The following ZSWIM6 variants were observed in gnomAD, a reference collection of about 807,000 sequenced individuals.
ZSWIM6 encodes zinc finger SWIM-type containing 6, also known as zinc finger SWIM domain-containing protein 6.
Under a neutral mutation model 113.2 loss-of-function variants are expected in ZSWIM6, and 9 were observed. That is an observed-to-expected ratio of 0.08 (90% CI 0.05 to 0.14). The LOEUF is 0.14. Among genes scored for constraint, ZSWIM6 ranks in the 10% least tolerant of loss-of-function variants. The pLI is 1.00. For synonymous variants in ZSWIM6, 611 were observed against 606.5 expected (o/e 1.01, Z -0.11); for missense variants, 1,162 against 1,552.2 (o/e 0.75, Z 4.22).
Position 61,467,995 on chromosome 5 carries a change from CCT to C in ZSWIM6, c.677-4685_677-4684del, listed in dbSNP as rs1425104497. On this transcript the variant is annotated intron_variant, in intron 1 of 13. Transcript: ENST00000252744. ...AAAGGGAATGTGTCCACACCCCTCC[CCT>C]GTTTCTCCAGCTGGGAAGGGAAGGA... Among the ~76,000 whole-genome samples the C allele has an allele frequency of 3.9e-5, 6 of 152,280 alleles. No homozygotes were observed. In the East Asian group the frequency reaches 1.2e-3, roughly 29 times the overall value.
chr5:61,454,567 G>GTTTTT (rs35249460), intron 1 of ZSWIM6, among the ~76,000 whole-genome samples: 23 of 128,242 alleles, frequency 1.8e-4, no homozygotes, highest in Non-Finnish European at 1.8e-4. Flanking sequence ...CTATCCCTAA[G>GTTTTT]TTTTTTTTTT....
chr5:61,467,725 T>C (rs146406103), intron 1 of ZSWIM6, among the ~76,000 whole-genome samples: 4 of 152,292 alleles, frequency 2.6e-5, no homozygotes, highest in African/African-American at 9.6e-5. Context: ...CAAAATCAAC[T>C]ATTTGTGAGT....
chr5:61,363,405 T>C (rs1159173702), intron 1 of ZSWIM6, among the ~76,000 whole-genome samples: 1 of 152,238 alleles, frequency 6.6e-6, no homozygotes, highest in Non-Finnish European at 1.5e-5. Flanking sequence ...GTAACAGAAC[T>C]GCCTATAAGA....
chr5:61,356,805 T>C (rs1221387554), intron 1 of ZSWIM6, among the ~76,000 whole-genome samples: 1 of 142,414 alleles, frequency 7.0e-6, no homozygotes, highest in East Asian at 2.0e-4. Flanking sequence ...AATATAAATA[T>C]ATAATTGATA....
rs1747602671 is a variant in ZSWIM6, at chr5:61,472,710, C to T, written c.706C>T (p.Pro236Ser). Residue 236 changes from proline to serine, a missense_variant, in exon 2 of 14, where the codon CCT (proline) becomes TCT (serine). This residue lies in a region of ZSWIM6 where 96 missense variants were observed against 240.3 expected (regional missense o/e 0.40). Transcript: ENST00000252744. This position sits in a 1 kb window ranked among gnomAD's most constrained non-coding sequence, Gnocchi z 4.1. Reference sequence around the variant, plus strand: ...CCACTTGAGCGGCACAGTGACAGAACCTGCAATACAATCGGAGCCAGAAAC... The same window carrying T: ...CCACTTGAGCGGCACAGTGACAGAATCTGCAATACAATCGGAGCCAGAAAC... Reference protein sequence around the residue: ...GFHLSGTVTEPAIQSEPETVC... With the variant: ...GFHLSGTVTESAIQSEPETVC... 1.9e-6 allele frequency: 3 copies of T among 1,542,192 alleles called. No individual in the cohort carries two copies. Among genetic ancestry groups the T allele is most frequent in the African/African-American group, 1.4e-5 (1 of 72,900 alleles).
chr5:61,535,404 T>G, intron 9 of ZSWIM6, 80 bp from the exon 10 acceptor site: 2 of 1,471,160 alleles, frequency 1.4e-6, no homozygotes, highest in Non-Finnish European at 1.9e-6. Context: ...TAACTTTATG[T>G]GACATTTTAA....
intron 1 of ZSWIM6, among the ~76,000 whole-genome samples, chr5:61,388,164 G>A (rs1745628657): frequency 6.6e-6 from 1 of 151,690 alleles, no homozygotes; most frequent in Non-Finnish European, 1.5e-5. Flanking sequence ...TGTATTTTTA[G>A]TAAAGATGGG....
chr5:61,412,072 AACTTT>A, intron 1 of ZSWIM6, among the ~76,000 whole-genome samples: 1 of 152,372 alleles, frequency 6.6e-6, no homozygotes. Context: ...TTAGCCTTGT[AACTTT>A]ACTTCTGGTA....
chr5:61,386,022 T>C (rs1745586175), intron 1 of ZSWIM6, among the ~76,000 whole-genome samples: 1 of 152,196 alleles, frequency 6.6e-6, no homozygotes, highest in African/African-American at 2.4e-5. Context: ...TGCCCAGCAA[T>C]TGGACTATGC....
intron 1 of ZSWIM6, among the ~76,000 whole-genome samples, chr5:61,470,004 G>T (rs751888798): frequency 3.1e-4 from 47 of 152,320 alleles, no homozygotes; most frequent in Non-Finnish European, 5.9e-5. Flanking sequence ...ACCACTCCTG[G>T]CCAATAGTTA....
chr5:61,413,337 A>T (rs1746183840), intron 1 of ZSWIM6, among the ~76,000 whole-genome samples: 1 of 151,888 alleles, frequency 6.6e-6, no homozygotes, highest in South Asian at 2.1e-4. Context: ...CCATGTCCCT[A>T]TAAAGGACAT....
At chr5:61,404,765 G>C (rs977515112) in intron 1 of ZSWIM6, among the ~76,000 whole-genome samples, 1 of 152,120 alleles carries the variant, frequency 6.6e-6, no homozygotes, top group Non-Finnish European at 1.5e-5. Flanking sequence ...CAATCACCTA[G>C]AGAGGGTTGT....
rs35661776 is a variant in ZSWIM6, at chr5:61,420,491, AT to A, written c.677-52178del. 1.5e-3 allele frequency among the ~76,000 whole-genome samples: 222 copies of A among 148,318 alleles called. 1 individual carries two copies. The highest frequency in any genetic ancestry group is 3.9e-3 in the African/African-American group (157 of 40,648). On this transcript the variant is annotated intron_variant, in intron 1 of 13. Transcript: ENST00000252744. ...CTAGTATTTTTTTTACCAGAACACAATTTTTTTTTTTTGATATCACAGTGAA... is the reference window on the plus strand; with the variant it reads ...CTAGTATTTTTTTTACCAGAACACAATTTTTTTTTTTGATATCACAGTGAA...
In ZSWIM6 at chr5:61,468,694, C is replaced by T. The variant is rs114546161; in HGVS notation, c.677-3987C>T. On this transcript the variant is annotated intron_variant, in intron 1 of 13. Transcript: ENST00000252744. ...CAGCAGGGGGATGTTTTACAGCCTTCTTGGGATTATTGAGGGAGGAACAGT... is the reference window on the plus strand; with the variant it reads ...CAGCAGGGGGATGTTTTACAGCCTTTTTGGGATTATTGAGGGAGGAACAGT... 4.3e-3 allele frequency among the ~76,000 whole-genome samples: 652 copies of T among 152,182 alleles called. 4 individuals are homozygous for T. Among genetic ancestry groups the T allele is most frequent in the African/African-American group, 0.014 (574 of 41,504 alleles).
intron 1 of ZSWIM6, among the ~76,000 whole-genome samples, chr5:61,353,840 G>C (rs532782124): frequency 6.6e-6 from 1 of 152,268 alleles, no homozygotes; most frequent in South Asian, 2.1e-4. Context: ...ACATCCTTCA[G>C]AAACAGATGA....
intron 1 of ZSWIM6, among the ~76,000 whole-genome samples, chr5:61,460,774 T>C (rs1363846719): frequency 6.6e-6 from 1 of 152,060 alleles, no homozygotes; most frequent in Admixed American, 6.6e-5. Context: ...TAATATATAA[T>C]AGATAATAAG....
intron 1 of ZSWIM6, among the ~76,000 whole-genome samples, chr5:61,390,491 G>A (rs1745684680): frequency 6.6e-6 from 1 of 152,082 alleles, no homozygotes; most frequent in Non-Finnish European, 1.5e-5. Flanking sequence ...GTTCTCATTT[G>A]CTTGTACTGT....
rs190471237 is a variant in ZSWIM6, at chr5:61,504,390, A to G, written c.1333+9980A>G. Among the ~76,000 whole-genome samples, 2 of 152,210 alleles carry G rather than the reference A, an allele frequency of 1.3e-5. 1 individual carries two copies. The highest frequency in any genetic ancestry group is 4.1e-4 in the South Asian group (2 of 4,830). On this transcript the variant is annotated intron_variant, in intron 4 of 13. Coordinates refer to ENST00000252744, the MANE Select transcript of ZSWIM6 (RefSeq NM_020928.2). ...ATGGGGAGTGATTATACTATCATAC[A>G]CAATACAATCAGCATGAAGCACTTG...
intron 1 of ZSWIM6, among the ~76,000 whole-genome samples, chr5:61,378,748 G>A (rs960548303): frequency 2.0e-5 from 3 of 151,816 alleles, no homozygotes; most frequent in African/African-American, 7.3e-5. Context: ...GTAGAGATGG[G>A]GTTTCTCATA....
Sources: allele counts gnomAD v4.1 joint callset (sites outside exome capture counted in the v4.1 genomes callset), GRCh38; gene constraint gnomAD v4.1.1; regional missense constraint gnomAD v4.1.1; non-coding constraint Gnocchi (gnomAD v3.1); transcripts MANE v1.5; gene names NCBI Gene and HGNC (gene_info 2026-07-23, HGNC 2026-07-21).